Variants in LRRC8C observed in about 807,000 individuals in gnomAD.
LRRC8C encodes the protein volume-regulated anion channel subunit LRRC8C.
LRRC8C carries 20 observed loss-of-function variants against 55.3 expected under a neutral mutation model. The ratio of observed to expected loss-of-function variants is 0.36; its 90% CI spans 0.25 to 0.53. The LOEUF (loss-of-function observed/expected upper bound fraction) is 0.53, where lower values mean the gene tolerates loss of function less well. Among genes scored for constraint, LRRC8C ranks in the 20% least tolerant of loss-of-function variants. The probability of loss-of-function intolerance (pLI) is 0.92; values close to 1 mark genes in which losing one functional copy is unlikely to be tolerated. For synonymous variants in LRRC8C, 376 were observed against 360.7 expected (o/e 1.04, Z -0.48); for missense variants, 659 against 951.4 (o/e 0.69, Z 4.04).
intron 1 of LRRC8C, among the ~76,000 whole-genome samples, chr1:89,657,739 CAAAAAAA>C (rs138148934): frequency 1.0e-5 from 1 of 98,872 alleles, no homozygotes. Flanking sequence ...GACTCTGTAT[CAAAAAAA>C]AAAAAAAAAA....
In LRRC8C at chr1:89,712,772, C is replaced by A. The variant is rs770510119; in HGVS notation, c.202C>A (p.Leu68Ile). The change falls in exon 3 of 3, where the codon CTT (leucine) becomes ATT (isoleucine). Residue 68 changes from leucine to isoleucine, a missense_variant. Around this residue, in one of 5 missense-constraint regions of LRRC8C, gnomAD observed 82 missense variants for 71.4 expected, o/e 1.15. Transcript: ENST00000370454. Reference protein sequence around the residue: ...RVQPAQNHSSLSNVSQAVAST... With the variant: ...RVQPAQNHSSISNVSQAVAST... ...GCAGCCTGCTCAGAACCACTCTTCC[C>A]TTTCGAATGTCTCTCAAGCAGTTGC... 38 of 1,614,194 alleles carry A rather than the reference C, an allele frequency of 2.4e-5. No homozygotes were observed. In the South Asian group the frequency reaches 4.1e-4, roughly 17 times the overall value.
the LRRC8C span, among the ~76,000 whole-genome samples, chr1:89,620,127 C>A: frequency 6.6e-6 from 1 of 152,150 alleles, no homozygotes; most frequent in Middle Eastern, 3.2e-3. Flanking sequence ...ATAGATGGTA[C>A]CTTTTTGCTG....
rs146911032 is a variant in LRRC8C at position 89,660,116 on chromosome 1, C to A, written c.-4-26354C>A. 6.6e-5 allele frequency among the ~76,000 whole-genome samples: 10 copies of A among 152,178 alleles called. No individual in the cohort carries two copies. The East Asian group carries it at 1.9e-3, about 29-fold the overall frequency. On this transcript the variant is annotated intron_variant, in intron 1 of 2. Transcript: ENST00000370454. The stretch of plus-strand genomic sequence containing the variant: ...GGGCTGTGTGGGGAAGCCTGACAGT[C>A]CTGATGTGGTGATCTGGGAATGGGT...
At chr1:89,622,355 T>C in the LRRC8C span, among the ~76,000 whole-genome samples, 7 of 123,336 alleles carry the variant, frequency 5.7e-5, no homozygotes, top group Non-Finnish European at 1.2e-4. Context: ...TTTTTTGAGA[T>C]GGAGTCCCGC....
At position 89,714,095 on chromosome 1, in the gene LRRC8C, T is replaced by A; in HGVS notation, c.1525T>A (p.Trp509Arg). ...KFDDMRELPP[W>R]MYGLRNLEEL... Reference sequence around the variant, plus strand: ...TGATGACATGAGGGAACTCCCCCCCTGGATGTATGGGCTCCGAAATCTGGA... The same window carrying A: ...TGATGACATGAGGGAACTCCCCCCCAGGATGTATGGGCTCCGAAATCTGGA... Residue 509 changes from tryptophan (W) to arginine (R), a missense_variant, in exon 3 of 3, where the codon TGG becomes AGG. Transcript: ENST00000370454. The surrounding 1 kb of genome is among the most constrained non-coding windows in gnomAD (Gnocchi z 4.6). 6.2e-7 allele frequency: 1 copy of A among 1,614,102 alleles called. No homozygotes were observed.
chr1:89,686,199 G>A (rs1464884909), intron 1 of LRRC8C, among the ~76,000 whole-genome samples: 2 of 152,178 alleles, frequency 1.3e-5, no homozygotes, highest in African/African-American at 4.8e-5. Context: ...GACTTGGAAA[G>A]TGTCTGGCCA....
the LRRC8C span, among the ~76,000 whole-genome samples, chr1:89,627,334 T>G: frequency 1.3e-5 from 2 of 148,316 alleles, no homozygotes; most frequent in Non-Finnish European, 3.0e-5. Flanking sequence ...AAGTTACTTA[T>G]CTATCGACCC....
At chr1:89,631,347 G>A (rs544245538), upstream of LRRC8C, among the ~76,000 whole-genome samples, 9 of 152,236 alleles carry the variant, frequency 5.9e-5, no homozygotes, top group South Asian at 1.9e-3. Flanking sequence ...AAAGTCTAAG[G>A]TTCAATGATT....
At chr1:89,682,416 T>C (rs1326172584) in intron 1 of LRRC8C, among the ~76,000 whole-genome samples, 1 of 152,082 alleles carries the variant, frequency 6.6e-6, no homozygotes, top group Non-Finnish European at 1.5e-5. Flanking sequence ...CTGTTGTGAG[T>C]ATTCAGGTCT....
At chr1:89,619,281 G>T in the LRRC8C span, among the ~76,000 whole-genome samples, 1 of 151,976 alleles carries the variant, frequency 6.6e-6, no homozygotes, top group African/African-American at 2.4e-5. Context: ...ACAATTTCCT[G>T]TGTTTAAATT....
chr1:89,713,338 T>C lies in LRRC8C; in HGVS notation c.768T>C (p.Asp256=). 1 of 1,614,248 alleles carries C rather than the reference T, an allele frequency of 6.2e-7. No homozygotes were observed. Among genetic ancestry groups the C allele is most frequent in the South Asian group, 1.1e-5 (1 of 91,086 alleles). The change falls in exon 3 of 3, where the codon GAT becomes GAC. Residue 256 remains aspartate (D), a synonymous_variant. Transcript: ENST00000370454. This position sits in a 1 kb window ranked among gnomAD's most constrained non-coding sequence, Gnocchi z 5.2. ...KKFRLHVEEG[D]ILYAMYVRQT... ...TCAGGCTGCATGTGGAAGAAGGTGA[T>C]ATTCTATATGCCATGTATGTTCGCC...
chr1:89,659,364 T>C (rs1657052824), intron 1 of LRRC8C, among the ~76,000 whole-genome samples: 1 of 152,148 alleles, frequency 6.6e-6, no homozygotes, highest in Non-Finnish European at 1.5e-5. Context: ...TAACCAGTTC[T>C]AAAAACAGAT....
intron 2 of LRRC8C, among the ~76,000 whole-genome samples, chr1:89,700,220 C>T (rs547772608): frequency 3.3e-5 from 5 of 152,280 alleles, no homozygotes; most frequent in African/African-American, 1.2e-4. Context: ...CCTCTGGAAC[C>T]ACAGGCTCTA....
chr1:89,694,449 C>T (rs959975616), intron 2 of LRRC8C, among the ~76,000 whole-genome samples: 1 of 151,932 alleles, frequency 6.6e-6, no homozygotes, highest in Admixed American at 6.6e-5. Flanking sequence ...CATTTTGTTT[C>T]GTTTGTTTTG....
At chr1:89,698,462 T>C (rs754894703) in intron 2 of LRRC8C, among the ~76,000 whole-genome samples, 2 of 152,192 alleles carry the variant, frequency 1.3e-5, no homozygotes, top group Non-Finnish European at 2.9e-5. Flanking sequence ...TTCTGTATAA[T>C]GATTTAAGAT....
In LRRC8C at chr1:89,713,677, C is replaced by T; in HGVS notation, c.1107C>T (p.Asp369=). ...ATGATATTCCAGATGTGAAAAATGA[C>T]TTTGCTTTTATGCTTCATATGATAG... ...GIDDIPDVKN[D]FAFMLHMIDQ... The change falls in exon 3 of 3, where the codon GAC becomes GAT. Residue 369 remains aspartate (D), a synonymous_variant. Transcript: ENST00000370454. This position sits in a 1 kb window ranked among gnomAD's most constrained non-coding sequence, Gnocchi z 5.2. 6.2e-7 allele frequency: 1 copy of T among 1,614,180 alleles called. No homozygotes were observed. The highest frequency in any genetic ancestry group is 1.1e-5 in the South Asian group (1 of 91,082).
intron 2 of LRRC8C, among the ~76,000 whole-genome samples, chr1:89,695,737 C>T (rs2101312232): frequency 6.6e-6 from 1 of 152,204 alleles, no homozygotes; most frequent in South Asian, 2.1e-4. Flanking sequence ...ATAATTTCAG[C>T]TAGATCAAGT....
At chr1:89,709,844 C>T (rs1387743678) in intron 2 of LRRC8C, among the ~76,000 whole-genome samples, 2 of 151,698 alleles carry the variant, frequency 1.3e-5, no homozygotes, top group African/African-American at 4.8e-5. Flanking sequence ...CTCCGCCTCC[C>T]GGGTTCACGC....
At chr1:89,680,549 CTTTT>C (rs10593283) in intron 1 of LRRC8C, among the ~76,000 whole-genome samples, 13 of 91,864 alleles carry the variant, frequency 1.4e-4, no homozygotes, top group Admixed American at 9.7e-4. Context: ...TGCTTTCATG[CTTTT>C]TTTTTTTTTT....
Sources: gnomAD v4.1 joint callset for allele counts (sites outside exome capture counted in the v4.1 genomes callset) on GRCh38, gnomAD v4.1.1 for gene constraint, gnomAD v4.1.1 regional missense constraint, Gnocchi (gnomAD v3.1) non-coding constraint, MANE v1.5 for transcripts, NCBI Gene and HGNC (gene_info 2026-07-23, HGNC 2026-07-21) for gene names.